The following FOXP1 variants were observed in gnomAD, a reference collection of about 807,000 sequenced individuals.
FOXP1 encodes forkhead box protein P1.
Under a neutral mutation model 98.2 loss-of-function variants are expected in FOXP1, and 15 were observed. The ratio of observed to expected loss-of-function variants is 0.15; its 90% CI spans 0.10 to 0.24. The LOEUF is 0.24. Ranked by LOEUF, FOXP1 falls within the 10% of genes least tolerant of loss-of-function variation. The probability of loss-of-function intolerance (pLI) is 1.00; values close to 1 mark genes in which losing one functional copy is unlikely to be tolerated. For missense variants in FOXP1, 633 were observed against 848.5 expected (o/e 0.75, Z 3.15); for synonymous variants, 371 against 314.5 (o/e 1.18, Z -1.90).
At chr3:71,051,396 G>C (rs1181413085) in intron 9 of FOXP1, among the ~76,000 whole-genome samples, 1 of 152,118 alleles carries the variant, frequency 6.6e-6, no homozygotes, top group Non-Finnish European at 1.5e-5. Context: ...GCAGGACATG[G>C]AAAACGTCCC....
chr3:71,308,913 G>A (rs1163903409), intron 4 of FOXP1, among the ~76,000 whole-genome samples: 1 of 151,944 alleles, frequency 6.6e-6, no homozygotes, highest in Non-Finnish European at 1.5e-5. Flanking sequence ...TGCCACTGGT[G>A]ACTGCAAAAT....
intron 2 of FOXP1, among the ~76,000 whole-genome samples, chr3:71,561,888 GGAAA>G (rs900154008): frequency 1.8e-4 from 28 of 151,982 alleles, no homozygotes; most frequent in African/African-American, 6.5e-4. Flanking sequence ...TGGGGGATAT[GGAAA>G]GAAAGAAAGA....
At chr3:71,396,848 C>T (rs1243138648) in intron 3 of FOXP1, among the ~76,000 whole-genome samples, 3 of 144,340 alleles carry the variant, frequency 2.1e-5, no homozygotes, top group African/African-American at 7.9e-5. Context: ...AACTTTACTC[C>T]CTGTACTTCA....
chr3:71,583,709 G>C lies in FOXP1; in HGVS notation c.-585C>G. 1 of 984,862 alleles carries C rather than the reference G, an allele frequency of 1.0e-6. No homozygotes were observed. Among genetic ancestry groups the C allele is most frequent in the Non-Finnish European group, 1.2e-6 (1 of 829,808 alleles). The allele number at this position is 984,862 out of a possible 1,614,324, so 61.0% of individuals were successfully genotyped here. On this transcript the variant is annotated 5_prime_UTR_variant, in exon 1 of 21. Transcript: ENST00000649528. ...GCGCACACACGCACTCCCGGGCGAG[G>C]GCCGGGCCGCCGCGAGTACAGCGTG...
intron 2 of FOXP1, among the ~76,000 whole-genome samples, chr3:71,567,076 A>T (rs770337558): frequency 3.3e-5 from 5 of 152,226 alleles, no homozygotes; most frequent in Non-Finnish European, 5.9e-5. Context: ...TGATGGCCCA[A>T]ACAATGTGGG....
At chr3:70,997,651 G>A (rs1333639874) in intron 13 of FOXP1, among the ~76,000 whole-genome samples, 1 of 152,118 alleles carries the variant, frequency 6.6e-6, no homozygotes, top group Non-Finnish European at 1.5e-5. Flanking sequence ...ATAAATTTCT[G>A]GTGTTCTCAA....
chr3:71,189,312 A>G (rs958981735), intron 6 of FOXP1, among the ~76,000 whole-genome samples: 17 of 152,222 alleles, frequency 1.1e-4, no homozygotes, highest in Admixed American at 9.2e-4. Flanking sequence ...AGCCCATTCC[A>G]TGATCAATGG....
intron 6 of FOXP1, among the ~76,000 whole-genome samples, chr3:71,181,755 G>A (rs534888736): frequency 2.6e-5 from 4 of 152,232 alleles, no homozygotes; most frequent in South Asian, 2.1e-4. Flanking sequence ...AAATGTGGCC[G>A]GGCGCGGTGG....
intron 12 of FOXP1, among the ~76,000 whole-genome samples, chr3:71,013,759 G>A (rs1014493430): frequency 6.6e-6 from 1 of 152,140 alleles, no homozygotes; most frequent in Non-Finnish European, 1.5e-5. Flanking sequence ...ATACTACAAG[G>A]CTACAGTAAC....
rs149236293 is a variant in FOXP1, at chr3:71,129,517, A to C, written c.181-16880T>G. ...CGGACTAGCAAACGAGGTTCACAGT[A>C]ATAACAATTCTCTTAAGATCAAAAG... On this transcript the variant is annotated intron_variant, in intron 6 of 20. Transcript: ENST00000649528. Among the ~76,000 whole-genome samples the C allele has an allele frequency of 4.6e-3, 708 of 152,310 alleles. 5 individuals are homozygous for C. Among genetic ancestry groups the C allele is most frequent in the African/African-American group, 0.016 (681 of 41,554 alleles).
Position 71,413,320 on chromosome 3 carries a change from CTAAA to C in FOXP1, c.-167-54080_-167-54077del, listed in dbSNP as rs371152598. Among the ~76,000 whole-genome samples the C allele has an allele frequency of 4.7e-3, 683 of 146,274 alleles. 9 individuals carry two copies. The highest frequency in any genetic ancestry group is 0.016 in the African/African-American group (625 of 39,410). On this transcript the variant is annotated intron_variant, in intron 3 of 20. Transcript: ENST00000649528. ...AAACAGCCAACCAGTATGGAACTGG[CTAAA>C]TAAATGACACTTCATCCATATGACA...
In FOXP1 at chr3:71,441,197, T is replaced by C. The variant is rs576515155; in HGVS notation, c.-168+52229A>G. On this transcript the variant is annotated intron_variant, in intron 3 of 20. Transcript: ENST00000649528. ...CTTTGCAAATCATGGCACAACTCCC[T>C]AGGTGGGACTGTACTATGGATCAGT... Among the ~76,000 whole-genome samples the C allele has an allele frequency of 6.6e-5, 10 of 152,326 alleles. No homozygotes were observed. The East Asian group carries it at 1.9e-3, about 29-fold the overall frequency.
intron 4 of FOXP1, among the ~76,000 whole-genome samples, chr3:71,336,189 TA>T (rs544770052): frequency 2.6e-5 from 4 of 152,128 alleles, no homozygotes; most frequent in African/African-American, 9.7e-5. Flanking sequence ...AATAAAAGTT[TA>T]AAAAATGCAA....
chr3:71,077,555 T>A (rs142150065), intron 7 of FOXP1, among the ~76,000 whole-genome samples: 1 of 152,264 alleles, frequency 6.6e-6, no homozygotes, highest in Non-Finnish European at 1.5e-5. Context: ...AACCTAGCCA[T>A]CTTCCCAACC....
chr3:71,300,661 T>C (rs992964616), intron 4 of FOXP1, among the ~76,000 whole-genome samples: 5 of 152,168 alleles, frequency 3.3e-5, no homozygotes, highest in East Asian at 3.9e-4. Context: ...GATCAACATA[T>C]GGCACGAGTG....
At chr3:70,971,869 T>C (rs2036335341) in intron 18 of FOXP1, 1 of 563,580 alleles carries the variant, frequency 1.8e-6, no homozygotes, top group Non-Finnish European at 2.9e-6. Flanking sequence ...GAGCAATACA[T>C]GTACAAATCA....
At chr3:71,057,857 T>C (rs2050901364) in intron 7 of FOXP1, among the ~76,000 whole-genome samples, 1 of 152,160 alleles carries the variant, frequency 6.6e-6, no homozygotes, top group African/African-American at 2.4e-5. Flanking sequence ...GCTCTGCTAG[T>C]ATGGGCCTGC....
intron 11 of FOXP1, among the ~76,000 whole-genome samples, chr3:71,033,822 G>C (rs913860982): frequency 1.3e-5 from 2 of 152,076 alleles, no homozygotes; most frequent in South Asian, 2.1e-4. Context: ...TTCAAAGCAC[G>C]ATGGCTGCCA....
intron 17 of FOXP1, among the ~76,000 whole-genome samples, chr3:70,973,259 G>A (rs543966566): frequency 4.6e-4 from 18 of 38,856 alleles, no homozygotes; most frequent in Middle Eastern, 0.02. Flanking sequence ...GCCCCGCCCC[G>A]GTCAAGAGAT....
Sources: allele counts gnomAD v4.1 joint callset (sites outside exome capture counted in the v4.1 genomes callset), GRCh38; gene constraint gnomAD v4.1.1; transcripts MANE v1.5; gene names NCBI Gene and HGNC (gene_info 2026-07-23, HGNC 2026-07-21).